SCN9A: variants seen among roughly 807,000 people sequenced by gnomAD.
The protein encoded by SCN9A is sodium voltage-gated channel alpha subunit 9, also known as sodium channel protein type 9 subunit alpha.
In SCN9A, 131 loss-of-function variants were observed where a neutral mutation model predicts 187.0. The ratio of observed to expected loss-of-function variants is 0.70; its 90% confidence interval spans 0.61 to 0.81. The LOEUF is 0.81. Ranked by LOEUF, SCN9A falls within the 30% of genes least tolerant of loss-of-function variation. SCN9A has a pLI of 0.00. For synonymous variants in SCN9A, 809 were observed against 808.6 expected (o/e 1.00, Z -0.01); for missense variants, 2,252 against 2,396.6 (o/e 0.94, Z 1.26).
chr2:166,226,728 A>G lies in SCN9A; in HGVS notation c.4261-24T>C, dbSNP rs775143330. On this transcript the variant is annotated intron_variant, in intron 23 of 26. Transcript: ENST00000642356. ...ACCTATAAAATTTACAAAAGTTAGC[A>G]TTATATGGACAGTAACATTCATTAT... 23 of 1,524,640 alleles carry G rather than the reference A, an allele frequency of 1.5e-5. No individual in the cohort carries two copies. In the South Asian group the frequency reaches 2.4e-4, roughly 16 times the overall value. 94.4% of individuals were successfully genotyped at this position (1,524,640 alleles called of 1,614,324 possible).
Position 166,300,092 on chromosome 2 carries a change from A to G in SCN9A, c.901+2998T>C, listed in dbSNP as rs1206724233. Among the ~76,000 whole-genome samples, 3 of 150,774 alleles carry G rather than the reference A, an allele frequency of 2.0e-5. 1 individual carries two copies. Among genetic ancestry groups the G allele is most frequent in the African/African-American group, 5.0e-5 (2 of 40,158 alleles). ...CCTTCAACTTACCTTTCTTATTCCCATCTACCATCTACCCTTGCTCAATCA... is the reference window on the plus strand; with the variant it reads ...CCTTCAACTTACCTTTCTTATTCCCGTCTACCATCTACCCTTGCTCAATCA... On this transcript the variant is annotated intron_variant, in intron 7 of 26. Coordinates refer to ENST00000642356, the MANE Select transcript of SCN9A (RefSeq NM_001365536.1).
chr2:166,298,366 A>G, intron 7 of SCN9A, among the ~76,000 whole-genome samples: 1 of 152,244 alleles, frequency 6.6e-6, no homozygotes, highest in East Asian at 1.9e-4. Context: ...CACTGTGCAC[A>G]TGAACCCCAC....
intron 17 of SCN9A, among the ~76,000 whole-genome samples, chr2:166,257,559 TA>T (rs1472680127): frequency 6.6e-6 from 1 of 151,656 alleles, no homozygotes; most frequent in Non-Finnish European, 1.5e-5. Context: ...CAGCTTTTGC[TA>T]AAGTGCCATA....
At chr2:166,310,732 C>T (rs1574912138) in intron 2 of SCN9A, among the ~76,000 whole-genome samples, 1 of 123,886 alleles carries the variant, frequency 8.1e-6, no homozygotes, top group Non-Finnish European at 1.7e-5. Context: ...TTTGACCCAG[C>T]CATCCCATTA....
chr2:166,295,665 G>A (rs74377768), intron 7 of SCN9A, among the ~76,000 whole-genome samples: 4,555 of 152,196 alleles, frequency 0.03, 229 homozygotes, highest in African/African-American at 0.1. Flanking sequence ...ACAATACTCC[G>A]GAAGAGGCAG....
intron 1 of SCN9A, among the ~76,000 whole-genome samples, chr2:166,315,114 T>C (rs1464207107): frequency 6.6e-6 from 1 of 152,196 alleles, no homozygotes; most frequent in Non-Finnish European, 1.5e-5. Flanking sequence ...CCACTTGTGC[T>C]TTGGAGATTC....
At chr2:166,357,706 A>G (rs565256471) in intron 1 of SCN9A, among the ~76,000 whole-genome samples, 1 of 152,256 alleles carries the variant, frequency 6.6e-6, no homozygotes, top group East Asian at 1.9e-4. Flanking sequence ...TATACTTTCT[A>G]TTTCAATTTC....
intron 26 of SCN9A, among the ~76,000 whole-genome samples, chr2:166,202,658 T>C (rs1301567156): frequency 6.6e-6 from 1 of 151,938 alleles, no homozygotes; most frequent in Non-Finnish European, 1.5e-5. Flanking sequence ...TTATTTTAGC[T>C]TTCTTTTATA....
intron 1 of SCN9A, among the ~76,000 whole-genome samples, chr2:166,331,236 T>C (rs551126930): frequency 6.6e-6 from 1 of 152,288 alleles, no homozygotes; most frequent in South Asian, 2.1e-4. Flanking sequence ...AATTTTGTAA[T>C]GGAGAAGATA....
chr2:166,369,261 G>A (rs922890370), intron 1 of SCN9A, among the ~76,000 whole-genome samples: 40 of 151,730 alleles, frequency 2.6e-4, no homozygotes, highest in Non-Finnish European at 1.0e-4. Flanking sequence ...ACCACATACT[G>A]AGTAAAGGAA....
At chr2:166,288,379 C>T in intron 10 of SCN9A, 58 bp downstream of exon 10, 1 of 1,384,696 alleles carries the variant, frequency 7.2e-7, no homozygotes, top group Admixed American at 1.8e-5. Context: ...CGCAGAGCCT[C>T]TGTTGTAACC....
chr2:166,299,119 A>T (rs1698444501), intron 7 of SCN9A, among the ~76,000 whole-genome samples: 1 of 152,062 alleles, frequency 6.6e-6, no homozygotes, highest in African/African-American at 2.4e-5. Flanking sequence ...TTTCACGAGG[A>T]CTTGACTTCT....
chr2:166,213,485 A>ATAATAG (rs918282110), intron 24 of SCN9A, among the ~76,000 whole-genome samples: 3 of 147,978 alleles, frequency 2.0e-5, no homozygotes, highest in African/African-American at 7.4e-5. Flanking sequence ...AATAATAATA[A>ATAATAG]TAATAATAAT....
intron 24 of SCN9A, among the ~76,000 whole-genome samples, chr2:166,209,514 A>G (rs905561239): frequency 6.6e-6 from 1 of 152,178 alleles, no homozygotes; most frequent in Admixed American, 6.5e-5. Context: ...AAATATCAGT[A>G]AAAACTCTGG....
intron 18 of SCN9A, among the ~76,000 whole-genome samples, chr2:166,245,656 T>G (rs1369973148): frequency 2.6e-5 from 4 of 152,082 alleles, no homozygotes; most frequent in South Asian, 2.1e-4. Flanking sequence ...TCATAAAATT[T>G]TAGATGAAAA....
At chr2:166,245,305 A>C (rs141625663) in intron 18 of SCN9A, among the ~76,000 whole-genome samples, 1 of 152,158 alleles carries the variant, frequency 6.6e-6, no homozygotes, top group African/African-American at 2.4e-5. Context: ...AATATCAGTA[A>C]AATTTATAGT....
At chr2:166,260,266 A>T (rs1457355422) in intron 17 of SCN9A, among the ~76,000 whole-genome samples, 1 of 151,884 alleles carries the variant, frequency 6.6e-6, no homozygotes, top group African/African-American at 2.4e-5. Context: ...CTCCAAAGAT[A>T]ATGACTTTGT....
chr2:166,243,819 A>G (rs1695670798), intron 18 of SCN9A, among the ~76,000 whole-genome samples: 1 of 151,996 alleles, frequency 6.6e-6, no homozygotes, highest in Non-Finnish European at 1.5e-5. Context: ...ATGTAAATAG[A>G]TGTCTCCACG....
intron 2 of SCN9A, among the ~76,000 whole-genome samples, 166 bp downstream of exon 2, chr2:166,311,329 CCTAT>C (rs1303841254): frequency 0.028 from 1,338 of 47,876 alleles, 219 homozygotes; most frequent in East Asian, 0.033. Context: ...TTCTGAATAT[CCTAT>C]ATATATATAT....
Sources: allele counts gnomAD v4.1 joint callset (sites outside exome capture counted in the v4.1 genomes callset), GRCh38; gene constraint gnomAD v4.1.1; transcripts MANE v1.5; gene names NCBI Gene and HGNC (gene_info 2026-07-23, HGNC 2026-07-21).